The following ANKRD6 variants were observed in gnomAD, a reference collection of about 807,000 sequenced individuals.
ANKRD6 encodes ankyrin repeat domain 6.
In ANKRD6, 56 loss-of-function variants were observed where a neutral mutation model predicts 82.3. The ratio of observed to expected loss-of-function variants is 0.68; its 90% confidence interval spans 0.55 to 0.85. The LOEUF is 0.85. Ranked by LOEUF, ANKRD6 falls within the 40% of genes least tolerant of loss-of-function variation. The pLI is 0.00. For missense variants in ANKRD6, 852 were observed against 907.6 expected (o/e 0.94, Z 0.79); for synonymous variants, 347 against 352.1 (o/e 0.99, Z 0.16).
intron 11 of ANKRD6, 80 bp downstream of exon 11, chr6:89,623,624 C>G: frequency 6.6e-7 from 1 of 1,509,852 alleles, no homozygotes; most frequent in Non-Finnish European, 8.9e-7. Context: ...TCATGCCCAT[C>G]AGCTAAAAAG....
chr6:89,604,156 G>A (rs183859539), intron 4 of ANKRD6, among the ~76,000 whole-genome samples: 61 of 152,208 alleles, frequency 4.0e-4, no homozygotes, highest in Non-Finnish European at 6.8e-4. Flanking sequence ...GTGAAACCCC[G>A]TTTCTACTAA....
In ANKRD6 at chr6:89,623,098, A is replaced by G. The variant is rs544884760; in HGVS notation, c.898-312A>G. Among the ~76,000 whole-genome samples the G allele has an allele frequency of 2.2e-3, 334 of 152,136 alleles. 1 individual carries two copies. The highest frequency in any genetic ancestry group is 7.7e-3 in the African/African-American group (320 of 41,510). Reference sequence around the variant, plus strand: ...TGTTTTGTTGAAATCTAAACGATCAAAAATCTCTAATGCTGAGGTGTTTTG... The same window carrying G: ...TGTTTTGTTGAAATCTAAACGATCAGAAATCTCTAATGCTGAGGTGTTTTG... On this transcript the variant is annotated intron_variant, in intron 10 of 15. Coordinates refer to ENST00000339746, the MANE Select transcript of ANKRD6 (RefSeq NM_001242809.2).
At chr6:89,544,037 C>T (rs1784742725) in intron 1 of ANKRD6, among the ~76,000 whole-genome samples, 1 of 152,220 alleles carries the variant, frequency 6.6e-6, no homozygotes, top group Non-Finnish European at 1.5e-5. Flanking sequence ...CTGAGCTTCT[C>T]AATGACACTG....
chr6:89,609,827 G>GTCTTGATC (rs1173524227), intron 5 of ANKRD6, among the ~76,000 whole-genome samples: 1 of 151,892 alleles, frequency 6.6e-6, no homozygotes, highest in Non-Finnish European at 1.5e-5. Context: ...GGCTGGGATG[G>GTCTTGATC]TCTTGATCTC....
intron 1 of ANKRD6, among the ~76,000 whole-genome samples, chr6:89,527,792 C>T (rs1782683051): frequency 6.6e-6 from 1 of 151,804 alleles, no homozygotes; most frequent in African/African-American, 2.4e-5. Flanking sequence ...GGTTGGGTTG[C>T]TATGGCAATT....
chr6:89,543,569 G>A (rs530338748), intron 1 of ANKRD6, among the ~76,000 whole-genome samples: 20 of 152,138 alleles, frequency 1.3e-4, no homozygotes, highest in Non-Finnish European at 1.8e-4. Context: ...CCCAGCACCC[G>A]CCTGTGGCCT....
intron 1 of ANKRD6, among the ~76,000 whole-genome samples, chr6:89,436,363 CA>C (rs1417256928): frequency 6.6e-6 from 1 of 152,168 alleles, no homozygotes; most frequent in African/African-American, 2.4e-5. Context: ...AGGAATGTAA[CA>C]TGATCTACTG....
intron 1 of ANKRD6, among the ~76,000 whole-genome samples, chr6:89,451,092 G>A (rs767143571): frequency 6.6e-6 from 1 of 152,162 alleles, no homozygotes; most frequent in African/African-American, 2.4e-5. Context: ...TGGATTGCTT[G>A]AGCCCAGGAA....
intron 1 of ANKRD6, among the ~76,000 whole-genome samples, chr6:89,548,903 G>C (rs777876405): frequency 5.3e-5 from 8 of 152,204 alleles, no homozygotes; most frequent in African/African-American, 1.9e-4. Flanking sequence ...TCCAAAACTC[G>C]TGTTGAAATT....
In ANKRD6 at chr6:89,624,535, T is replaced by C. The variant is rs752795229; in HGVS notation, c.1219-4T>C. ...GATTGATTCCTTTTTTGTTTCTCTC[T>C]TAGGCACCAATAAATGGTTGTCGAT... On this transcript the variant is annotated splice_polypyrimidine_tract_variant and splice_region_variant and intron_variant, in intron 12 of 15. Coordinates refer to ENST00000339746, the MANE Select transcript of ANKRD6 (RefSeq NM_001242809.2). The C allele has an allele frequency of 5.2e-6, 8 of 1,552,326 alleles. No homozygotes were observed. The highest frequency in any genetic ancestry group is 3.9e-5 in the Admixed American group (2 of 51,012).
chr6:89,443,940 C>T lies in ANKRD6; in HGVS notation c.-144+10565C>T, dbSNP rs564750961. ...ACAGAGACCTCTGCAGCTTCGCTTC[C>T]GAATAGAAATGATAGAAAAAGTTGG... On this transcript the variant is annotated intron_variant, in intron 1 of 15. Transcript: ENST00000339746. Among the ~76,000 whole-genome samples the T allele has an allele frequency of 5.9e-5, 9 of 152,278 alleles. 1 individual carries two copies. The highest frequency in any genetic ancestry group is 3.9e-4 in the East Asian group (2 of 5,190).
intron 1 of ANKRD6, among the ~76,000 whole-genome samples, chr6:89,468,999 T>C (rs1416706788): frequency 6.6e-6 from 1 of 152,210 alleles, no homozygotes; most frequent in African/African-American, 2.4e-5. Flanking sequence ...GCACTAAAGC[T>C]GTCTCCTGGC....
Position 89,632,875 on chromosome 6 carries a change from A to G in ANKRD6, c.*1871A>G, listed in dbSNP as rs1213431856. The G allele has an allele frequency of 1.3e-5, 2 of 152,246 alleles. No individual in the cohort carries two copies. Among genetic ancestry groups the G allele is most frequent in the African/African-American group, 4.8e-5 (2 of 41,454 alleles). The allele number at this position is 152,246 out of a possible 1,614,324, so 9.4% of individuals were successfully genotyped here. ...CTCAGTATACATCAATTTATTGAGA[A>G]CTGCCTAATACTCAAGAAATTAAAT... On this transcript the variant is annotated 3_prime_UTR_variant, in exon 16 of 16. Coordinates refer to ENST00000339746, the MANE Select transcript of ANKRD6 (RefSeq NM_001242809.2).
chr6:89,628,864 C>G (rs892225549), intron 14 of ANKRD6: 2 of 481,676 alleles, frequency 4.2e-6, no homozygotes, highest in African/African-American at 2.0e-5. Flanking sequence ...GCATTCACCC[C>G]CTTGACACAA....
At chr6:89,500,427 T>C (rs1167412396) in intron 1 of ANKRD6, among the ~76,000 whole-genome samples, 1 of 152,172 alleles carries the variant, frequency 6.6e-6, no homozygotes, top group East Asian at 1.9e-4. Context: ...GAATATACCA[T>C]GGTTAGAAAA....
At chr6:89,538,219 T>A (rs2128000641) in intron 1 of ANKRD6, among the ~76,000 whole-genome samples, 1 of 152,330 alleles carries the variant, frequency 6.6e-6, no homozygotes, top group Non-Finnish European at 1.5e-5. Context: ...ACGTTTCTTC[T>A]CCATCTCATT....
At chr6:89,490,664 C>T (rs1777911105) in intron 1 of ANKRD6, among the ~76,000 whole-genome samples, 1 of 152,204 alleles carries the variant, frequency 6.6e-6, no homozygotes, top group Admixed American at 6.5e-5. Flanking sequence ...AGGCCCTGCT[C>T]TGGAAAAGCA....
intron 2 of ANKRD6, among the ~76,000 whole-genome samples, chr6:89,571,660 C>T (rs1789935946): frequency 6.6e-6 from 1 of 152,040 alleles, no homozygotes; most frequent in African/African-American, 2.4e-5. Flanking sequence ...GAGGAAGGTC[C>T]AGAGATTTCC....
chr6:89,567,923 A>G (rs1050716365), intron 2 of ANKRD6, among the ~76,000 whole-genome samples: 5 of 152,190 alleles, frequency 3.3e-5, no homozygotes, highest in Non-Finnish European at 4.4e-5. Context: ...AAGAGCTGTG[A>G]AGAGGGGCAA....
Sources: gnomAD v4.1 joint callset for allele counts (sites outside exome capture counted in the v4.1 genomes callset) on GRCh38, gnomAD v4.1.1 for gene constraint, MANE v1.5 for transcripts, NCBI Gene and HGNC (gene_info 2026-07-23, HGNC 2026-07-21) for gene names.